The following C8orf34 variants were observed in gnomAD, a reference collection of about 807,000 sequenced individuals.
C8orf34 encodes the protein uncharacterized protein C8orf34.
C8orf34 carries 65 observed loss-of-function variants against 68.3 expected under a neutral mutation model. The ratio of observed to expected loss-of-function variants is 0.95; its 90% CI spans 0.78 to 1.17. C8orf34 has a LOEUF of 1.17. Ranked by LOEUF, C8orf34 falls within the 50% of genes most tolerant of loss-of-function variation. The pLI is 0.00. For missense variants in C8orf34, 664 were observed against 655.4 expected (o/e 1.01, Z -0.14); for synonymous variants, 244 against 241.2 (o/e 1.01, Z -0.11).
At chr8:68,430,616 A>C (rs1223135047) in intron 1 of C8orf34, among the ~76,000 whole-genome samples, 2 of 152,188 alleles carry the variant, frequency 1.3e-5, no homozygotes, top group African/African-American at 4.8e-5. Flanking sequence ...CCAGATAATT[A>C]GTTTTTGATG....
rs35940049 is a variant in C8orf34, at chr8:68,395,356, GTC to G, written c.328-44138_328-44137del. 3.9e-4 allele frequency among the ~76,000 whole-genome samples: 21 copies of G among 54,256 alleles called. 1 individual carries two copies. The East Asian group carries it at 3.9e-3, about 10-fold the overall frequency. 35.6% of individuals were successfully genotyped at this position (54,256 alleles called of 152,430 possible). On this transcript the variant is annotated intron_variant, in intron 1 of 13. Transcript: ENST00000518698. ...ATGCACTCTCTCTTTCTCTCTGTGT[GTC>G]TCTCACACACACACACACACACACA... is the stretch of plus-strand genomic sequence containing the variant.
rs536850178 is a variant in C8orf34, at chr8:68,554,835, C to A, written c.1105+21686C>A. Among the ~76,000 whole-genome samples the A allele has an allele frequency of 2.0e-5, 3 of 152,148 alleles. No homozygotes were observed. The South Asian group carries it at 6.2e-4, about 32-fold the overall frequency. On this transcript the variant is annotated intron_variant, in intron 7 of 13. Transcript: ENST00000518698. ...CATGGCATGGAATTGTGTATACACA[C>A]CCACATATCTTTTTTAAAAAAATTA...
intron 8 of C8orf34, among the ~76,000 whole-genome samples, chr8:68,669,750 G>A (rs1434937): frequency 0.43 from 65,311 of 151,936 alleles, 14,440 homozygotes; most frequent in East Asian, 0.57. Context: ...TTTGTAGTAT[G>A]TCAATGGAGT....
At chr8:68,493,165 T>C (rs945496323) in intron 5 of C8orf34, among the ~76,000 whole-genome samples, 5 of 152,172 alleles carry the variant, frequency 3.3e-5, no homozygotes, top group Admixed American at 6.5e-5. Context: ...AATGTAGGCA[T>C]TGATACCCTC....
intron 8 of C8orf34, among the ~76,000 whole-genome samples, chr8:68,684,582 G>T (rs1175279265): frequency 6.6e-6 from 1 of 151,928 alleles, no homozygotes; most frequent in East Asian, 1.9e-4. Context: ...AATAATTTGT[G>T]CCACATTAAT....
intron 2 of C8orf34, among the ~76,000 whole-genome samples, chr8:68,443,669 G>A (rs1283114609): frequency 6.6e-6 from 1 of 151,946 alleles, no homozygotes; most frequent in Non-Finnish European, 1.5e-5. Flanking sequence ...GCCTCCCAAA[G>A]TGCTGGGATT....
At chr8:68,413,615 C>A (rs916067729) in intron 1 of C8orf34, among the ~76,000 whole-genome samples, 1 of 152,194 alleles carries the variant, frequency 6.6e-6, no homozygotes. Flanking sequence ...ATGGCATCAA[C>A]ATCAGCCCAG....
chr8:68,816,017 G>T (rs940099597), intron 13 of C8orf34, 72 bp downstream of exon 13: 4 of 1,609,248 alleles, frequency 2.5e-6, no homozygotes, highest in Admixed American at 1.7e-5. Context: ...CTCAGGATTT[G>T]TATTAAAAAA....
intron 13 of C8orf34, among the ~76,000 whole-genome samples, chr8:68,816,533 A>G (rs539383573): frequency 1.3e-5 from 2 of 152,254 alleles, no homozygotes; most frequent in South Asian, 2.1e-4. Context: ...ACTTAGAACC[A>G]GCTACTCCTT....
At chr8:68,661,673 A>G (rs6981963) in intron 8 of C8orf34, among the ~76,000 whole-genome samples, 2,831 of 152,136 alleles carry the variant, frequency 0.019, 96 homozygotes, top group African/African-American at 0.061. Context: ...ACTCTACCCC[A>G]TTCCCCTAGG....
intron 7 of C8orf34, among the ~76,000 whole-genome samples, chr8:68,596,797 C>CT (rs1314297723): frequency 6.6e-6 from 1 of 152,132 alleles, no homozygotes; most frequent in Admixed American, 6.6e-5. Context: ...GCAAGATACT[C>CT]TAAGTTCCAA....
intron 8 of C8orf34, among the ~76,000 whole-genome samples, chr8:68,645,154 C>A (rs1203942200): frequency 6.6e-6 from 1 of 151,782 alleles, no homozygotes; most frequent in African/African-American, 2.4e-5. Context: ...ATCTGACATC[C>A]ACACTCTAAA....
Position 68,616,042 on chromosome 8 carries a change from T to C in C8orf34, c.1106-24334T>C, listed in dbSNP as rs540119092. Among the ~76,000 whole-genome samples, 163 of 151,610 alleles carry C rather than the reference T, an allele frequency of 1.1e-3. 2 individuals carry two copies. The highest frequency in any genetic ancestry group is 3.9e-3 in the African/African-American group (159 of 41,018). Reference sequence around the variant, plus strand: ...GGGAGGGTGTACGTGTCGAGGAATTTATCCATTTCTTCTAGATTTTCTAGT... The same window carrying C: ...GGGAGGGTGTACGTGTCGAGGAATTCATCCATTTCTTCTAGATTTTCTAGT... On this transcript the variant is annotated intron_variant, in intron 7 of 13. Transcript: ENST00000518698.
chr8:68,658,946 C>T (rs1585685806), intron 8 of C8orf34, among the ~76,000 whole-genome samples: 1 of 151,972 alleles, frequency 6.6e-6, no homozygotes, highest in Non-Finnish European at 1.5e-5. Flanking sequence ...GTAATCTTAC[C>T]GTTTTACTTT....
intron 7 of C8orf34, among the ~76,000 whole-genome samples, chr8:68,610,771 T>C (rs1194107653): frequency 6.6e-6 from 1 of 152,000 alleles, no homozygotes; most frequent in East Asian, 1.9e-4. Context: ...GTCAAGTACA[T>C]TTTATTTATG....
chr8:68,492,056 C>T (rs1813336177), intron 5 of C8orf34, among the ~76,000 whole-genome samples: 2 of 152,162 alleles, frequency 1.3e-5, no homozygotes, highest in Non-Finnish European at 2.9e-5. Flanking sequence ...ATAGGTTTCA[C>T]TTGAGAGAAC....
chr8:68,774,846 C>G (rs905629761), intron 10 of C8orf34, among the ~76,000 whole-genome samples: 1 of 150,706 alleles, frequency 6.6e-6, no homozygotes, highest in Non-Finnish European at 1.5e-5. Flanking sequence ...GTGGCTCACG[C>G]CCGTAATTCC....
chr8:68,681,672 C>A (rs947075601), intron 8 of C8orf34, among the ~76,000 whole-genome samples: 1 of 152,040 alleles, frequency 6.6e-6, no homozygotes, highest in African/African-American at 2.4e-5. Flanking sequence ...ATATACCACC[C>A]CCTCACAAAA....
At chr8:68,512,945 G>A (rs1320212869) in intron 5 of C8orf34, among the ~76,000 whole-genome samples, 2 of 152,088 alleles carry the variant, frequency 1.3e-5, no homozygotes, top group Non-Finnish European at 2.9e-5. Flanking sequence ...TGTGCTAAGT[G>A]CAGCCAAGGT....
Sources: gnomAD v4.1 joint callset for allele counts (sites outside exome capture counted in the v4.1 genomes callset) on GRCh38, gnomAD v4.1.1 for gene constraint, MANE v1.5 for transcripts, NCBI Gene and HGNC (gene_info 2026-07-23, HGNC 2026-07-21) for gene names.